Variants in UTRN observed in about 807,000 individuals in gnomAD.
UTRN encodes the protein dystrophin-related protein 1.
Under a neutral mutation model 463.9 loss-of-function variants are expected in UTRN, and 283 were observed. That is an observed-to-expected ratio of 0.61 (90% CI 0.55 to 0.67). The LOEUF (loss-of-function observed/expected upper bound fraction) is 0.67. UTRN is among the 30% of genes least tolerant of loss of function. The probability of loss-of-function intolerance (pLI) is 0.00; values close to 1 mark genes in which losing one functional copy is unlikely to be tolerated. For synonymous variants in UTRN, 1,442 were observed against 1,431.5 expected (o/e 1.01, Z -0.17); for missense variants, 3,922 against 4,084.3 (o/e 0.96, Z 1.08).
intron 46 of UTRN, among the ~76,000 whole-genome samples, chr6:144,547,401 T>C (rs938044958): frequency 1.3e-5 from 2 of 152,194 alleles, no homozygotes; most frequent in African/African-American, 4.8e-5. Flanking sequence ...GCTTCCCTTT[T>C]TTGTGTTTTG....
chr6:144,601,069 G>A (rs867042343), intron 51 of UTRN, among the ~76,000 whole-genome samples: 1 of 152,118 alleles, frequency 6.6e-6, no homozygotes, highest in African/African-American at 2.4e-5. Context: ...GAGACCTACT[G>A]CTCAGAAAAA....
intron 2 of UTRN, among the ~76,000 whole-genome samples, chr6:144,336,345 G>A (rs1466314778): frequency 6.6e-6 from 1 of 152,194 alleles, no homozygotes; most frequent in East Asian, 1.9e-4. Context: ...ACACTCACCT[G>A]TGGAGAGCCA....
At position 144,459,177 on chromosome 6, in the gene UTRN, G is replaced by A. The variant is rs202019579; in HGVS notation, c.2530G>A (p.Glu844Lys). 6.2e-7 allele frequency: 1 copy of A among 1,610,130 alleles called. No homozygotes were observed. Among genetic ancestry groups the A allele is most frequent in the Non-Finnish European group, 8.5e-7 (1 of 1,178,436 alleles). ...LPSLKDSCQR[E>K]LTNLLGLHPK... Reference sequence around the variant, plus strand: ...GACCGTATTTTCTCTTCCTTAGCGGGAATTGACAAATCTTCTTGGCCTTCA... The same window carrying A: ...GACCGTATTTTCTCTTCCTTAGCGGAAATTGACAAATCTTCTTGGCCTTCA... Residue 844 changes from glutamate (E) to lysine (K), a missense_variant, in exon 21 of 75, where the codon GAA becomes AAA. Glu to Lys is a moderately conservative substitution (Grantham distance 56). Around this residue, in one of 3 missense-constraint regions of UTRN, gnomAD observed 2,349 missense variants for 2,303.8 expected, o/e 1.02. Coordinates refer to ENST00000367545, the MANE Select transcript of UTRN (RefSeq NM_007124.3).
chr6:144,585,398 A>G (rs1802374810), intron 51 of UTRN, among the ~76,000 whole-genome samples: 1 of 152,148 alleles, frequency 6.6e-6, no homozygotes, highest in Admixed American at 6.5e-5. Flanking sequence ...GAAATGTACA[A>G]TTCCAGTACA....
chr6:144,409,762 G>C (rs532677785), intron 3 of UTRN, among the ~76,000 whole-genome samples: 24 of 152,216 alleles, frequency 1.6e-4, no homozygotes, highest in African/African-American at 5.5e-4. Context: ...CACACTTAGG[G>C]GGAAGCTGAC....
chr6:144,304,889 A>G (rs1289223509), intron 2 of UTRN, among the ~76,000 whole-genome samples: 4 of 151,896 alleles, frequency 2.6e-5, no homozygotes, highest in Non-Finnish European at 5.9e-5. Flanking sequence ...TATATCAGAT[A>G]TGCTCGTGCC....
At chr6:144,341,374 C>G (rs935321903) in intron 2 of UTRN, among the ~76,000 whole-genome samples, 1 of 151,994 alleles carries the variant, frequency 6.6e-6, no homozygotes, top group Non-Finnish European at 1.5e-5. Context: ...AAAAATAAAT[C>G]CTAAGATAGA....
intron 51 of UTRN, among the ~76,000 whole-genome samples, chr6:144,580,253 C>T (rs80099178): frequency 0.02 from 2,220 of 111,640 alleles, 67 homozygotes; most frequent in African/African-American, 0.078. Context: ...GGTGCACAGT[C>T]TTTGTGCACT....
intron 61 of UTRN, among the ~76,000 whole-genome samples, chr6:144,786,865 C>T (rs913187164): frequency 6.6e-6 from 1 of 152,122 alleles, no homozygotes; most frequent in African/African-American, 2.4e-5. Context: ...TCTTACCTTC[C>T]TCAGCTAGTG....
intron 50 of UTRN, among the ~76,000 whole-genome samples, chr6:144,575,622 T>A (rs1801364222): frequency 6.6e-6 from 1 of 152,160 alleles, no homozygotes; most frequent in East Asian, 1.9e-4. Context: ...TGTTCTATTT[T>A]ATTATTAGTT....
intron 56 of UTRN, among the ~76,000 whole-genome samples, chr6:144,752,790 T>C (rs1791549682): frequency 6.6e-6 from 1 of 152,178 alleles, no homozygotes; most frequent in African/African-American, 2.4e-5. Context: ...ATGATTCTTA[T>C]GGTCCATCTT....
chr6:144,685,617 A>C (rs1586000552), intron 52 of UTRN, among the ~76,000 whole-genome samples: 2 of 152,104 alleles, frequency 1.3e-5, no homozygotes, highest in East Asian at 3.9e-4. Context: ...AGGATTAGTG[A>C]TATTGAGTGT....
intron 52 of UTRN, among the ~76,000 whole-genome samples, chr6:144,696,203 AT>A (rs11341409): frequency 0.018 from 2,657 of 148,566 alleles, 68 homozygotes; most frequent in African/African-American, 0.058. Context: ...AAACTACTAA[AT>A]TTTTTTTTTT....
chr6:144,697,107 A>G (rs1784096697), intron 52 of UTRN, among the ~76,000 whole-genome samples: 1 of 152,190 alleles, frequency 6.6e-6, no homozygotes, highest in African/African-American at 2.4e-5. Flanking sequence ...ATTCAATTTT[A>G]AAAGGAGTAA....
chr6:144,487,818 C>T, intron 29 of UTRN, 121 bp downstream of exon 29: 1 of 918,704 alleles, frequency 1.1e-6, no homozygotes, highest in Non-Finnish European at 1.6e-6. Context: ...AGTTGGTAAC[C>T]AATGCTAACA....
chr6:144,287,330 A>G (rs1264915174), intron 1 of UTRN, among the ~76,000 whole-genome samples: 1 of 152,150 alleles, frequency 6.6e-6, no homozygotes, highest in Non-Finnish European at 1.5e-5. Context: ...AACAGTATTA[A>G]TCACAGTAGT....
chr6:144,672,039 A>G (rs546940468), intron 51 of UTRN, among the ~76,000 whole-genome samples: 2 of 152,122 alleles, frequency 1.3e-5, no homozygotes, highest in South Asian at 4.1e-4. Context: ...TCTTTTTTAT[A>G]CGCTGTTTGA....
At chr6:144,459,100 A>G in intron 20 of UTRN, 74 bp from the exon 21 acceptor site, 1 of 1,574,670 alleles carries the variant, frequency 6.4e-7, no homozygotes, top group Non-Finnish European at 8.6e-7. Context: ...CTTTAAGTTA[A>G]TGCTGCCCTG....
chr6:144,357,838 A>G (rs908767523), intron 2 of UTRN, among the ~76,000 whole-genome samples: 1 of 152,280 alleles, frequency 6.6e-6, no homozygotes, highest in Non-Finnish European at 1.5e-5. Flanking sequence ...AGTCTACTCA[A>G]CTTAGTAAAC....
Sources: gnomAD v4.1 joint callset for allele counts (sites outside exome capture counted in the v4.1 genomes callset) on GRCh38, gnomAD v4.1.1 for gene constraint, gnomAD v4.1.1 regional missense constraint, MANE v1.5 for transcripts, NCBI Gene and HGNC (gene_info 2026-07-23, HGNC 2026-07-21) for gene names.